The following KAZN variants were observed in gnomAD, a reference collection of about 807,000 sequenced individuals.
KAZN encodes the protein kazrin.
In KAZN, 40 loss-of-function variants were observed where a neutral mutation model predicts 87.4. The observed-to-expected ratio is 0.46, with a 90% CI of 0.36 to 0.60. The LOEUF is 0.60. Ranked by LOEUF, KAZN falls within the 20% of genes least tolerant of loss-of-function variation. KAZN has a pLI of 0.00. For missense variants in KAZN, 898 were observed against 1,073.9 expected, an observed-to-expected ratio of 0.84 and a Z score of 2.29; for synonymous variants, 466 against 458.3, an observed-to-expected ratio of 1.02 and a Z score of -0.22.
chr1:13,901,836 G>GC (rs1351111045), intron 1 of KAZN, among the ~76,000 whole-genome samples: 4 of 152,248 alleles, frequency 2.6e-5, no homozygotes. Context: ...TTGCATCCTT[G>GC]CCTAGCTTGT....
At chr1:14,137,337 G>T (rs1272978210) in intron 1 of KAZN, among the ~76,000 whole-genome samples, 1 of 152,170 alleles carries the variant, frequency 6.6e-6, no homozygotes, top group African/African-American at 2.4e-5. Context: ...GCGTGGGTCA[G>T]GTGGCCCTAC....
intron 2 of KAZN, among the ~76,000 whole-genome samples, chr1:14,394,786 G>A (rs974235657): frequency 6.6e-6 from 1 of 152,214 alleles, no homozygotes; most frequent in Admixed American, 6.5e-5. Flanking sequence ...AACGCAGTAA[G>A]AACTCTGTGA....
intron 2 of KAZN, among the ~76,000 whole-genome samples, chr1:14,514,637 A>C (rs866439294): frequency 2.3e-4 from 15 of 64,400 alleles, no homozygotes; most frequent in South Asian, 5.1e-4. Flanking sequence ...ATATATATAT[A>C]TATCTCAAAT....
intron 2 of KAZN, among the ~76,000 whole-genome samples, chr1:14,206,381 C>A (rs1218258488): frequency 6.6e-6 from 1 of 152,050 alleles, no homozygotes; most frequent in African/African-American, 2.4e-5. Flanking sequence ...GTTATTCTTC[C>A]TGCTCAGTAT....
intron 1 of KAZN, among the ~76,000 whole-genome samples, chr1:14,727,350 C>G (rs1643431323): frequency 6.6e-6 from 1 of 150,738 alleles, no homozygotes; most frequent in African/African-American, 2.4e-5. Context: ...CTTCTTGGCA[C>G]CAGGGATGGG....
At chr1:14,169,325 GCTCTT>G (rs1211062882) in intron 1 of KAZN, among the ~76,000 whole-genome samples, 1 of 151,526 alleles carries the variant, frequency 6.6e-6, no homozygotes, top group African/African-American at 2.4e-5. Flanking sequence ...TTCCTTCCCT[GCTCTT>G]CTCTTGTTGT....
chr1:14,682,291 C>CTTTT (rs55908428), intron 1 of KAZN, among the ~76,000 whole-genome samples: 1 of 144,204 alleles, frequency 6.9e-6, no homozygotes, highest in Non-Finnish European at 1.5e-5. Flanking sequence ...TCAGAATTTC[C>CTTTT]TTTTTTTTTT....
intron 1 of KAZN, among the ~76,000 whole-genome samples, chr1:14,790,800 C>G (rs571005260): frequency 4.6e-5 from 7 of 152,306 alleles, no homozygotes; most frequent in African/African-American, 1.7e-4. Flanking sequence ...TCAAGCGATT[C>G]TCTCACCTCA....
chr1:15,060,724 G>A (rs1443446445), intron 6 of KAZN: 1 of 176,398 alleles, frequency 5.7e-6, no homozygotes, highest in Non-Finnish European at 1.2e-5. Flanking sequence ...CCTCTGGAGA[G>A]GCTTGTGAAT....
At chr1:15,029,585 G>T (rs1671483073) in intron 2 of KAZN, among the ~76,000 whole-genome samples, 1 of 152,178 alleles carries the variant, frequency 6.6e-6, no homozygotes, top group African/African-American at 2.4e-5. Context: ...GAAGCCACAA[G>T]AGGCTGCACT....
intron 1 of KAZN, chr1:14,929,907 T>C: frequency 1.0e-6 from 1 of 985,488 alleles, no homozygotes; most frequent in Non-Finnish European, 1.2e-6. Context: ...GTCTGCTTTT[T>C]GGATGCCTTC....
At chr1:13,927,420 G>A (rs1303716542) in intron 1 of KAZN, among the ~76,000 whole-genome samples, 2 of 152,222 alleles carry the variant, frequency 1.3e-5, no homozygotes, top group Non-Finnish European at 2.9e-5. Flanking sequence ...TTGAGCAGGA[G>A]GAAGTATTTT....
intron 2 of KAZN, among the ~76,000 whole-genome samples, chr1:14,446,503 C>T (rs1199981893): frequency 1.3e-5 from 2 of 152,130 alleles, no homozygotes; most frequent in East Asian, 1.9e-4. Flanking sequence ...TATGTGGACT[C>T]TAATTCAATT....
At chr1:14,828,268 C>T (rs1021933741) in intron 1 of KAZN, among the ~76,000 whole-genome samples, 4 of 152,166 alleles carry the variant, frequency 2.6e-5, no homozygotes, top group African/African-American at 9.7e-5. Flanking sequence ...AATATCTCGG[C>T]TAAAACATGT....
intron 2 of KAZN, among the ~76,000 whole-genome samples, chr1:14,271,604 T>C (rs180727086): frequency 6.6e-6 from 1 of 152,238 alleles, no homozygotes; most frequent in Admixed American, 6.5e-5. Flanking sequence ...TTCCTCTCTC[T>C]CTGTCTCTCT....
intron 1 of KAZN, among the ~76,000 whole-genome samples, chr1:14,908,441 C>T (rs977072615): frequency 9.2e-5 from 14 of 152,168 alleles, no homozygotes; most frequent in South Asian, 2.1e-4. Context: ...CCTCGGGAGG[C>T]TGAGGCAGGA....
chr1:14,205,650 C>T (rs1890589), intron 2 of KAZN, among the ~76,000 whole-genome samples: 13,988 of 151,478 alleles, frequency 0.092, 1,365 homozygotes, highest in African/African-American at 0.23. Context: ...TTTGGGAGGC[C>T]GAGGTGGGCA....
chr1:14,984,788 C>G (rs1350038931), intron 2 of KAZN, among the ~76,000 whole-genome samples: 1 of 152,056 alleles, frequency 6.6e-6, no homozygotes, highest in African/African-American at 2.4e-5. Flanking sequence ...CAGGCACTGG[C>G]TGAAAGGGAC....
intron 2 of KAZN, among the ~76,000 whole-genome samples, chr1:14,202,586 T>C (rs1306493243): frequency 1.3e-5 from 2 of 152,194 alleles, no homozygotes; most frequent in Non-Finnish European, 2.9e-5. Context: ...AAATGTCCCT[T>C]AACTTCTGTG....
Sources: gnomAD v4.1 joint callset for allele counts (sites outside exome capture counted in the v4.1 genomes callset) on GRCh38, gnomAD v4.1.1 for gene constraint, MANE v1.5 for transcripts, NCBI Gene and HGNC (gene_info 2026-07-23, HGNC 2026-07-21) for gene names.